The following HAPLN2 variants were observed in gnomAD, a reference collection of about 807,000 sequenced individuals.
The protein encoded by HAPLN2 is hyaluronan and proteoglycan link protein 2, also known as brain link protein-1.
Under a neutral mutation model 29.3 loss-of-function variants are expected in HAPLN2, and 27 were observed. The ratio of observed to expected loss-of-function variants is 0.92; its 90% CI spans 0.68 to 1.27. The LOEUF (loss-of-function observed/expected upper bound fraction) is 1.27, where lower values mean the gene tolerates loss of function less well. HAPLN2 is among the 50% of genes most tolerant of loss of function. HAPLN2 has a pLI of 0.00. For missense variants in HAPLN2, 454 were observed against 484.3 expected (o/e 0.94, Z 0.59); for synonymous variants, 208 against 211.7 (o/e 0.98, Z 0.15).
chr1:156,623,651 T>A, intron 3 of HAPLN2, 76 bp downstream of exon 3: 1 of 1,586,134 alleles, frequency 6.3e-7, no homozygotes, highest in East Asian at 2.3e-5. Context: ...GAAAGGGCAG[T>A]TGTTGCAGGT....
At chr1:156,609,591 C>A in the HAPLN2 span, among the ~76,000 whole-genome samples, 30 of 152,084 alleles carry the variant, frequency 2.0e-4, no homozygotes, top group Non-Finnish European at 3.7e-4. Flanking sequence ...TATTTTTGAG[C>A]CTTCTGGATT....
At position 156,625,016 on chromosome 1, in the gene HAPLN2, C is replaced by T; in HGVS notation, c.740-85C>T. On this transcript the variant is annotated intron_variant, in intron 6 of 6. Coordinates refer to ENST00000255039, the MANE Select transcript of HAPLN2 (RefSeq NM_021817.3). This position sits in a 1 kb window ranked among gnomAD's most constrained non-coding sequence, Gnocchi z 5.7. The stretch of plus-strand genomic sequence containing the variant: ...AAGCTCGATCCAGCACCTCTGCGGT[C>T]CCGCACCCCAACTCCGCCTCCTGGG... The T allele has an allele frequency of 6.8e-7, 1 of 1,467,542 alleles. No individual in the cohort carries two copies. The highest frequency in any genetic ancestry group is 9.1e-7 in the Non-Finnish European group (1 of 1,101,672). The allele number at this position is 1,467,542 out of a possible 1,614,324, so 90.9% of individuals were successfully genotyped here.
At chr1:156,621,755 G>A (rs923481857) in intron 2 of HAPLN2, among the ~76,000 whole-genome samples, 2 of 147,768 alleles carry the variant, frequency 1.4e-5, no homozygotes, top group African/African-American at 5.0e-5. Flanking sequence ...AAAAAAGAAT[G>A]TTACAATAAA....
rs768963591 is a variant in HAPLN2 at position 156,623,606 on chromosome 1, G to A, written c.85+31G>A. 29 of 1,612,738 alleles carry A rather than the reference G, an allele frequency of 1.8e-5. No homozygotes were observed. In the South Asian group the frequency reaches 3.0e-4, roughly 17 times the overall value. On this transcript the variant is annotated intron_variant, in intron 3 of 6. Coordinates refer to ENST00000255039, the MANE Select transcript of HAPLN2 (RefSeq NM_021817.3). Reference sequence around the variant, plus strand: ...ACCCCAGCCCAGGCCAGAATCTGGGGGAGGCTTGGGGAGACTGCAAGGGTG... The same window carrying A: ...ACCCCAGCCCAGGCCAGAATCTGGGAGAGGCTTGGGGAGACTGCAAGGGTG...
intron 2 of HAPLN2, among the ~76,000 whole-genome samples, chr1:156,623,044 AT>A (rs1385698471): frequency 0.019 from 2,635 of 138,540 alleles, 251 homozygotes; most frequent in African/African-American, 0.068. Flanking sequence ...AAAAAAATAA[AT>A]AAATAAATAA....
chr1:156,623,052 ATAAATAAAT>A (rs1678298665), intron 2 of HAPLN2, among the ~76,000 whole-genome samples: 1 of 140,682 alleles, frequency 7.1e-6, no homozygotes, highest in African/African-American at 2.8e-5. Context: ...AAATAAATAA[ATAAATAAAT>A]AAATAAATAA....
the HAPLN2 span, among the ~76,000 whole-genome samples, chr1:156,609,087 T>A: frequency 1.3e-5 from 2 of 152,194 alleles, no homozygotes; most frequent in Non-Finnish European, 2.9e-5. Flanking sequence ...AACAGAGGTC[T>A]GAAGCGCTGA....
chr1:156,623,868 T>C lies in HAPLN2; in HGVS notation c.147T>C (p.Arg49=). 1 of 1,564,552 alleles carries C rather than the reference T, an allele frequency of 6.4e-7. No homozygotes were observed. Among genetic ancestry groups the C allele is most frequent in the Non-Finnish European group, 8.7e-7 (1 of 1,155,936 alleles). Residue 49 remains arginine, a synonymous_variant, in exon 4 of 7, where the codon CGT becomes CGC. Transcript: ENST00000255039. ...PPIHEVIHSH[R]GATATLPCVL... ...TCCACGAGGTCATTCACTCTCATCG[T>C]GGGGCCACGGCCACGCTGCCCTGCG...
intron 2 of HAPLN2, among the ~76,000 whole-genome samples, chr1:156,621,986 G>A (rs1197712714): frequency 6.6e-6 from 1 of 151,608 alleles, no homozygotes; most frequent in Admixed American, 6.6e-5. Context: ...AATTTAAAGG[G>A]GGGAATAACT....
the HAPLN2 span, among the ~76,000 whole-genome samples, chr1:156,613,330 G>A: frequency 6.6e-6 from 1 of 152,126 alleles, no homozygotes; most frequent in Non-Finnish European, 1.5e-5. Flanking sequence ...CAGTCTGGGC[G>A]ACAGAGTGGG....
chr1:156,621,598 G>A (rs1201930990), intron 2 of HAPLN2, among the ~76,000 whole-genome samples: 2 of 151,934 alleles, frequency 1.3e-5, no homozygotes, highest in Non-Finnish European at 2.9e-5. Context: ...TTAGCCCGGA[G>A]TGGTGGTGGG....
At position 156,623,995 on chromosome 1, in the gene HAPLN2, C is replaced by A; in HGVS notation, c.274C>A (p.Arg92=). ...LILITNGLHA[R]GYGPLGGRAR... is the part of the protein sequence containing the mutation. ...CCTCATCACCAACGGACTGCACGCC[C>A]GGGGGTATGGGCCCCTGGGAGGGCG... Residue 92 remains arginine (R), a synonymous_variant, in exon 4 of 7, where the codon CGG becomes AGG. Coordinates refer to ENST00000255039, the MANE Select transcript of HAPLN2 (RefSeq NM_021817.3). 5 of 1,608,648 alleles carry A rather than the reference C, an allele frequency of 3.1e-6. No homozygotes were observed. Among genetic ancestry groups the A allele is most frequent in the Non-Finnish European group, 3.4e-6 (4 of 1,177,554 alleles).
In HAPLN2 at chr1:156,624,726, C is replaced by A. The variant is rs747967102; in HGVS notation, c.682C>A (p.Pro228Thr). 1.3e-6 allele frequency: 2 copies of A among 1,571,584 alleles called. No individual in the cohort carries two copies. The highest frequency in any genetic ancestry group is 1.8e-5 in the Admixed American group (1 of 54,390). Residue 228 changes from proline (P) to threonine (T), a missense_variant, in exon 6 of 7, where the codon CCC becomes ACC. Physicochemically the swap from Pro to Thr is conservative, Grantham distance 38. Around this residue, in one of 3 missense-constraint regions of HAPLN2, gnomAD observed 235 missense variants for 236.9 expected, o/e 0.99. Transcript: ENST00000255039. ...RGRPGIRSYG[P>T]RDRMRDRYDA... ...CCGGCCCGGGATCCGCAGCTACGGACCCCGCGACCGGATGCGCGACCGCTA... is the reference window on the plus strand; with the variant it reads ...CCGGCCCGGGATCCGCAGCTACGGAACCCGCGACCGGATGCGCGACCGCTA...
intron 3 of HAPLN2, 88 bp downstream of exon 3, chr1:156,623,663 C>T: frequency 1.9e-6 from 3 of 1,569,824 alleles, no homozygotes; most frequent in Non-Finnish European, 2.6e-6. Flanking sequence ...GTTGCAGGTA[C>T]CCAGGGACTG....
chr1:156,623,754 A>T, intron 3 of HAPLN2, 53 bp from the exon 4 acceptor site: 2 of 1,471,774 alleles, frequency 1.4e-6, no homozygotes, highest in Non-Finnish European at 1.8e-6. Context: ...TCTGATGGGC[A>T]CTTGGGGCAG....
the HAPLN2 span, among the ~76,000 whole-genome samples, chr1:156,611,579 A>C: frequency 1.3e-5 from 2 of 152,080 alleles, no homozygotes. Flanking sequence ...AACAAAAAAC[A>C]AAAAAACAAA....
intron 2 of HAPLN2, among the ~76,000 whole-genome samples, chr1:156,621,940 A>T (rs1206709868): frequency 6.6e-6 from 1 of 150,780 alleles, no homozygotes; most frequent in Non-Finnish European, 1.5e-5. Flanking sequence ...TGGGCAACAG[A>T]GCGAGACTCC....
chr1:156,613,276 G>A, the HAPLN2 span, among the ~76,000 whole-genome samples: 1 of 152,098 alleles, frequency 6.6e-6, no homozygotes, highest in Non-Finnish European at 1.5e-5. Context: ...GCTTGAACCC[G>A]GGAGGCAGAG....
intron 2 of HAPLN2, among the ~76,000 whole-genome samples, chr1:156,620,428 T>C (rs1484331359): frequency 6.6e-6 from 1 of 152,172 alleles, no homozygotes; most frequent in Non-Finnish European, 1.5e-5. Flanking sequence ...TATAAAAATA[T>C]ACATGTAAAG....
Sources: allele counts gnomAD v4.1 joint callset (sites outside exome capture counted in the v4.1 genomes callset), GRCh38; gene constraint gnomAD v4.1.1; regional missense constraint gnomAD v4.1.1; non-coding constraint Gnocchi (gnomAD v3.1); transcripts MANE v1.5; gene names NCBI Gene and HGNC (gene_info 2026-07-23, HGNC 2026-07-21).